Variants in PANX2 observed in about 807,000 individuals in gnomAD.
PANX2 encodes pannexin 2, also known as pannexin-2.
PANX2 carries 30 observed loss-of-function variants against 38.7 expected under a neutral mutation model. That is an observed-to-expected ratio of 0.78 (90% CI 0.58 to 1.05). The LOEUF (loss-of-function observed/expected upper bound fraction) is 1.05. Ranked by LOEUF, PANX2 falls within the 50% of genes least tolerant of loss-of-function variation. The pLI, the probability that PANX2 is intolerant of heterozygous loss-of-function variation, is 0.00. For synonymous variants in PANX2, 539 were observed against 472.1 expected (o/e 1.14, Z -1.84); for missense variants, 880 against 979.3 (o/e 0.90, Z 1.35).
intron 1 of PANX2, among the ~76,000 whole-genome samples, chr22:50,171,956 G>A (rs972447106): frequency 2.0e-5 from 3 of 152,226 alleles, no homozygotes; most frequent in African/African-American, 7.2e-5. Context: ...CCCGTGGCCT[G>A]GAGACACCAG....
At chr22:50,171,447 C>G (rs573562202) in intron 1 of PANX2, among the ~76,000 whole-genome samples, 1 of 152,288 alleles carries the variant, frequency 6.6e-6, no homozygotes, top group South Asian at 2.1e-4. Context: ...GGCCCTCCAC[C>G]CCTCAGGCAG....
In PANX2 at chr22:50,176,959, AC is replaced by A; in HGVS notation, c.251del (p.Pro84ArgfsTer150). 1 of 1,549,738 alleles carries A rather than the reference AC, an allele frequency of 6.5e-7. No homozygotes were observed. Among genetic ancestry groups the A allele is most frequent in the Non-Finnish European group, 8.6e-7 (1 of 1,156,190 alleles). ...CCCAGAGGAACCCATTTACTGTTAC[AC>A]CCCGCACAACTTCACGCGCGACCAG... ...NFAEEPIYCY[T>X]PHNFTRDQAL... On this transcript the variant is annotated frameshift_variant, in exon 2 of 3. Coordinates refer to ENST00000395842, the MANE Select transcript of PANX2 (RefSeq NM_052839.4). LOFTEE classifies it high-confidence loss of function.
Position 50,179,321 on chromosome 22 carries a change from C to A in PANX2, c.*44C>A. On this transcript the variant is annotated 3_prime_UTR_variant, in exon 3 of 3. Coordinates refer to ENST00000395842, the MANE Select transcript of PANX2 (RefSeq NM_052839.4). Reference sequence around the variant, plus strand: ...CCGCCGAGAGCCCCTCTGCCTGTGTCGTGTGGCCTGGCCAGCCTCCCGGTG... The same window carrying A: ...CCGCCGAGAGCCCCTCTGCCTGTGTAGTGTGGCCTGGCCAGCCTCCCGGTG... 3 of 1,551,380 alleles carry A rather than the reference C, an allele frequency of 1.9e-6. No homozygotes were observed. Among genetic ancestry groups the A allele is most frequent in the South Asian group, 2.3e-5 (2 of 86,388 alleles).
chr22:50,178,414 G>A lies in PANX2; in HGVS notation c.1690+12G>A. On this transcript the variant is annotated intron_variant, in intron 2 of 2. Transcript: ENST00000395842. ...GGCGCCCATCAAAGGTAGGGGCAGG[G>A]CCGGAGAGAGGGGACGGGGGACTGG... 1 of 1,391,508 alleles carries A rather than the reference G, an allele frequency of 7.2e-7. No homozygotes were observed. The highest frequency in any genetic ancestry group is 2.8e-5 in the East Asian group (1 of 35,210). The allele number at this position is 1,391,508 out of a possible 1,614,324, so 86.2% of individuals were successfully genotyped here.
At chr22:50,173,727 C>T (rs1051067505) in intron 1 of PANX2, among the ~76,000 whole-genome samples, 2 of 152,232 alleles carry the variant, frequency 1.3e-5, no homozygotes, top group Non-Finnish European at 2.9e-5. Context: ...GGGCTGGCTC[C>T]AAGGGGGAAC....
Position 50,177,713 on chromosome 22 carries a change from G to A in PANX2, c.1001G>A (p.Arg334Gln), listed in dbSNP as rs139331786. Residue 334 changes from arginine (R) to glutamine (Q), a missense_variant, in exon 2 of 3, where the codon CGG (arginine) becomes CAG (glutamine). Physicochemically the swap from Arg to Gln is conservative, Grantham distance 43. This residue lies in a region of PANX2 where 78 missense variants were observed against 133.1 expected (regional missense o/e 0.59). Transcript: ENST00000395842. ...KLHKVGIKTR[R>Q]QWRRSQFCDI... is the part of the protein sequence containing the mutation. ...CACAAGGTGGGCATCAAGACGCGCCGGCAGTGGCGCCGCTCGCAGTTCTGC... is the reference window on the plus strand; with the variant it reads ...CACAAGGTGGGCATCAAGACGCGCCAGCAGTGGCGCCGCTCGCAGTTCTGC... 11 of 1,610,482 alleles carry A rather than the reference G, an allele frequency of 6.8e-6. No homozygotes were observed. The African/African-American group carries it at 8.0e-5, about 12-fold the overall frequency.
Position 50,170,805 on chromosome 22 carries a change from C to T in PANX2, c.75C>T (p.Ile25=), listed in dbSNP as rs561718264. 12 of 1,460,854 alleles carry T rather than the reference C, an allele frequency of 8.2e-6. No homozygotes were observed. The South Asian group carries it at 1.5e-4, about 18-fold the overall frequency. The allele number at this position is 1,460,854 out of a possible 1,614,324, so 90.5% of individuals were successfully genotyped here. The change falls in exon 1 of 3, where the codon ATC becomes ATT. Residue 25 remains isoleucine (I), a synonymous_variant. Transcript: ENST00000395842. Reference sequence around the variant, plus strand: ...CGGGAGAGAAGCTGCGGGAGCTGATCCTGCCGGGCGCGCAGGACGACAAGG... The same window carrying T: ...CGGGAGAGAAGCTGCGGGAGCTGATTCTGCCGGGCGCGCAGGACGACAAGG... ...LLAGEKLREL[I]LPGAQDDKAG... is the part of the protein sequence containing the mutation.
chr22:50,171,402 T>C (rs1602396129), intron 1 of PANX2, among the ~76,000 whole-genome samples: 1 of 151,546 alleles, frequency 6.6e-6, no homozygotes. Flanking sequence ...TGGACTTGGG[T>C]GGAAGGAGGG....
chr22:50,172,517 G>A (rs1444192970), intron 1 of PANX2, among the ~76,000 whole-genome samples: 1 of 148,350 alleles, frequency 6.7e-6, no homozygotes, highest in Non-Finnish European at 1.5e-5. Flanking sequence ...CCACCTCTCG[G>A]GCTCAGGTGT....
intron 1 of PANX2, among the ~76,000 whole-genome samples, chr22:50,173,279 C>T (rs753396933): frequency 9.9e-5 from 15 of 152,240 alleles, no homozygotes; most frequent in Non-Finnish European, 1.9e-4. Context: ...GTGATCCGCC[C>T]GCCTCGGCCT....
In PANX2 at chr22:50,177,014, C is replaced by G. The variant is rs1192210558; in HGVS notation, c.302C>G (p.Thr101Arg). 1 of 1,602,618 alleles carries G rather than the reference C, an allele frequency of 6.2e-7. No homozygotes were observed. ...QALYARGYCWTELRDALPGVD... is the reference protein window; with the variant it reads ...QALYARGYCWRELRDALPGVD... ...CTGTACGCCCGCGGCTACTGCTGGA[C>G]GGAGCTGCGGGACGCGCTGCCCGGC... The change falls in exon 2 of 3, where the codon ACG (threonine) becomes AGG (arginine). Residue 101 changes from threonine to arginine, a missense_variant. By Grantham distance (71) the Thr-to-Arg change is moderately conservative (BLOSUM62 -1). Coordinates refer to ENST00000395842, the MANE Select transcript of PANX2 (RefSeq NM_052839.4).
In PANX2 at chr22:50,178,985, C is replaced by T; in HGVS notation, c.1742C>T (p.Ala581Val). 1 of 1,607,226 alleles carries T rather than the reference C, an allele frequency of 6.2e-7. No individual in the cohort carries two copies. Among genetic ancestry groups the T allele is most frequent in the Non-Finnish European group, 8.5e-7 (1 of 1,176,556 alleles). ...EIPYPTEPAR[A>V]GLPSGGPFHV... ...CCGTACCCCACAGAGCCAGCCCGGG[C>T]AGGGCTTCCCTCGGGGGGCCCGTTC... The change falls in exon 3 of 3, where the codon GCA (alanine) becomes GTA (valine). Residue 581 changes from alanine (A) to valine (V), a missense_variant. Around this residue, in one of 4 missense-constraint regions of PANX2, gnomAD observed 445 missense variants for 404.3 expected, o/e 1.10. Transcript: ENST00000395842.
intron 1 of PANX2, chr22:50,175,347 G>A (rs1345741518): frequency 3.5e-6 from 2 of 567,092 alleles, no homozygotes; most frequent in Non-Finnish European, 5.6e-6. Flanking sequence ...CACCCATGTT[G>A]GCCACACATG....
chr22:50,174,849 G>A (rs1430189816), intron 1 of PANX2, among the ~76,000 whole-genome samples: 18 of 152,228 alleles, frequency 1.2e-4, no homozygotes, highest in Non-Finnish European at 4.4e-5. Context: ...GGCAGCCCCT[G>A]CTAGAAGCTG....
At chr22:50,173,681 T>C (rs1409975749) in intron 1 of PANX2, among the ~76,000 whole-genome samples, 1 of 152,240 alleles carries the variant, frequency 6.6e-6, no homozygotes. Context: ...AGAAGCCAGA[T>C]GCGAGTCTCA....
In PANX2 at chr22:50,170,810, C is replaced by G. The variant is rs978019988; in HGVS notation, c.80C>G (p.Pro27Arg). Reference sequence around the variant, plus strand: ...GAGAAGCTGCGGGAGCTGATCCTGCCGGGCGCGCAGGACGACAAGGCGGGC... The same window carrying G: ...GAGAAGCTGCGGGAGCTGATCCTGCGGGGCGCGCAGGACGACAAGGCGGGC... ...AGEKLRELIL[P>R]GAQDDKAGAL... Residue 27 changes from proline (P) to arginine (R), a missense_variant, in exon 1 of 3, where the codon CCG becomes CGG. By Grantham distance (103) the Pro-to-Arg change is moderately radical. This residue lies in a region of PANX2 where 243 missense variants were observed against 333.1 expected (regional missense o/e 0.73). Transcript: ENST00000395842. 1.4e-6 allele frequency: 2 copies of G among 1,466,508 alleles called. No individual in the cohort carries two copies. The highest frequency in any genetic ancestry group is 1.3e-5 in the South Asian group (1 of 75,422). The allele number at this position is 1,466,508 out of a possible 1,614,324, so 90.8% of individuals were successfully genotyped here. A position where few individuals can be genotyped will look rare whatever the true frequency, so the allele number is the denominator to read the frequency against.
chr22:50,173,301 G>T (rs2063644643), intron 1 of PANX2, among the ~76,000 whole-genome samples: 1 of 152,274 alleles, frequency 6.6e-6, no homozygotes, highest in African/African-American at 2.4e-5. Context: ...CCAAATTGCT[G>T]GGATTACAGG....
Position 50,179,147 on chromosome 22 carries a change from G to C in PANX2, c.1904G>C (p.Arg635Pro), listed in dbSNP as rs374232364. ...CACATCAACACGCTGTACGAGGCCCGGGAGGAGGAGGACGGGGGCCCCCGC... is the reference window on the plus strand; with the variant it reads ...CACATCAACACGCTGTACGAGGCCCCGGAGGAGGAGGACGGGGGCCCCCGC... ...LLHINTLYEA[R>P]EEEDGGPRLP... is the part of the protein sequence containing the mutation. The change falls in exon 3 of 3, where the codon CGG becomes CCG. Residue 635 changes from arginine (R) to proline (P), a missense_variant. Around this residue, in one of 4 missense-constraint regions of PANX2, gnomAD observed 445 missense variants for 404.3 expected, o/e 1.10. Transcript: ENST00000395842. 1.9e-6 allele frequency: 3 copies of C among 1,612,194 alleles called. No homozygotes were observed. In the African/African-American group the frequency reaches 4.0e-5, roughly 22 times the overall value.
rs149932269 is a variant in PANX2, at chr22:50,179,616, G to A, written c.*339G>A. On this transcript the variant is annotated 3_prime_UTR_variant, in exon 3 of 3. Coordinates refer to ENST00000395842, the MANE Select transcript of PANX2 (RefSeq NM_052839.4). ...AGAGTTTATTTTTTTAGTCCGTTTC[G>A]TCCTGGCCCCGGGCTGTGGCGAGAC... is the stretch of plus-strand genomic sequence containing the variant. 0.024 allele frequency: 6,754 copies of A among 284,108 alleles called. 93 individuals are homozygous for A. The highest frequency in any genetic ancestry group is 0.043 in the Middle Eastern group (36 of 844). The allele number at this position is 284,108 out of a possible 1,614,324, so 17.6% of individuals were successfully genotyped here.
Sources: gnomAD v4.1 joint callset for allele counts (sites outside exome capture counted in the v4.1 genomes callset) on GRCh38, gnomAD v4.1.1 for gene constraint, gnomAD v4.1.1 regional missense constraint, MANE v1.5 for transcripts, NCBI Gene and HGNC (gene_info 2026-07-23, HGNC 2026-07-21) for gene names.